GLRA3: variants seen among roughly 807,000 people sequenced by gnomAD.
GLRA3 encodes the protein glycine receptor subunit alpha-3.
GLRA3 carries 44 observed loss-of-function variants against 60.4 expected under a neutral mutation model. That is an observed-to-expected ratio of 0.73 (90% confidence interval 0.57 to 0.94). The LOEUF (loss-of-function observed/expected upper bound fraction) is 0.94, where lower values mean the gene tolerates loss of function less well. Among genes scored for constraint, GLRA3 ranks in the 40% least tolerant of loss-of-function variants. The probability of loss-of-function intolerance (pLI) is 0.00; values close to 1 mark genes in which losing one functional copy is unlikely to be tolerated. For missense variants in GLRA3, 508 were observed against 564.6 expected (o/e 0.90, Z 1.02); for synonymous variants, 223 against 192.9 (o/e 1.16, Z -1.29).
At chr4:174,744,149 G>T (rs1737135812) in intron 3 of GLRA3, among the ~76,000 whole-genome samples, 1 of 152,250 alleles carries the variant, frequency 6.6e-6, no homozygotes, top group Admixed American at 6.5e-5. Flanking sequence ...CTGGGGCTAT[G>T]GTTGGCAACC....
chr4:174,699,677 A>T (rs1451861911), intron 5 of GLRA3, among the ~76,000 whole-genome samples: 1 of 152,120 alleles, frequency 6.6e-6, no homozygotes, highest in African/African-American at 2.4e-5. Flanking sequence ...AAGGCATATT[A>T]GTTGAAGTTC....
At chr4:174,795,519 G>GT (rs1739528319) in intron 1 of GLRA3, among the ~76,000 whole-genome samples, 1 of 152,104 alleles carries the variant, frequency 6.6e-6, no homozygotes, top group South Asian at 2.1e-4. Context: ...GGAGGAATAT[G>GT]TAAGAGGTGA....
intron 6 of GLRA3, among the ~76,000 whole-genome samples, chr4:174,681,526 C>T (rs1480179178): frequency 6.6e-6 from 1 of 152,106 alleles, no homozygotes; most frequent in Non-Finnish European, 1.5e-5. Context: ...TCCCATGTGA[C>T]TCTGGAGGCA....
chr4:174,772,622 T>C (rs1398080545), intron 2 of GLRA3, among the ~76,000 whole-genome samples: 1 of 152,120 alleles, frequency 6.6e-6, no homozygotes, highest in Non-Finnish European at 1.5e-5. Context: ...TTTTAAAATA[T>C]TCAAATAAAA....
chr4:174,763,175 T>C (rs1403416595), intron 3 of GLRA3, among the ~76,000 whole-genome samples: 1 of 152,158 alleles, frequency 6.6e-6, no homozygotes, highest in Non-Finnish European at 1.5e-5. Flanking sequence ...GAAAAAGCAC[T>C]CAGGTCACAA....
chr4:174,725,038 C>G (rs1162161481), intron 4 of GLRA3, among the ~76,000 whole-genome samples: 1 of 152,230 alleles, frequency 6.6e-6, no homozygotes, highest in Non-Finnish European at 1.5e-5. Context: ...TCTGCAGGCT[C>G]ACGCCATTTG....
intron 2 of GLRA3, among the ~76,000 whole-genome samples, chr4:174,785,985 TCTCAAA>T (rs1480135348): frequency 1.4e-5 from 2 of 142,210 alleles, no homozygotes; most frequent in Non-Finnish European, 3.0e-5. Context: ...TCAGAGCTGG[TCTCAAA>T]CTCCTAGCCT....
At chr4:174,767,099 C>T (rs556940231) in intron 2 of GLRA3, 69 bp from the exon 3 acceptor site, 3 of 783,028 alleles carry the variant, frequency 3.8e-6, no homozygotes, top group African/African-American at 3.5e-5. Flanking sequence ...TAATTCCTTG[C>T]ATTCCATTAT....
At chr4:174,751,449 T>A (rs1737481091) in intron 3 of GLRA3, among the ~76,000 whole-genome samples, 2 of 152,174 alleles carry the variant, frequency 1.3e-5, no homozygotes, top group Non-Finnish European at 2.9e-5. Flanking sequence ...AATGTATTTA[T>A]AATTAGTACA....
intron 3 of GLRA3, among the ~76,000 whole-genome samples, chr4:174,752,354 A>G (rs1737520209): frequency 1.3e-5 from 2 of 152,112 alleles, no homozygotes; most frequent in Admixed American, 1.3e-4. Flanking sequence ...TCAGGGAAAG[A>G]GGTTAAATTT....
chr4:174,749,466 A>G (rs914576492), intron 3 of GLRA3, among the ~76,000 whole-genome samples: 5 of 152,126 alleles, frequency 3.3e-5, no homozygotes, highest in African/African-American at 1.2e-4. Flanking sequence ...CCATTAAATG[A>G]TAGGATACTA....
intron 1 of GLRA3, among the ~76,000 whole-genome samples, chr4:174,823,328 T>A (rs1740824181): frequency 6.6e-6 from 1 of 152,036 alleles, no homozygotes; most frequent in Non-Finnish European, 1.5e-5. Flanking sequence ...ATAGAGACCA[T>A]CCTGGCTAAC....
chr4:174,782,683 AAGAG>A (rs1325125379), intron 2 of GLRA3, among the ~76,000 whole-genome samples: 2 of 152,168 alleles, frequency 1.3e-5, no homozygotes, highest in Admixed American at 6.6e-5. Flanking sequence ...AACAGACAAA[AAGAG>A]AGCCAAATCA....
At chr4:174,828,700 G>A in intron 1 of GLRA3, 41 bp downstream of exon 1, 2 of 1,282,614 alleles carry the variant, frequency 1.6e-6, no homozygotes, top group Non-Finnish European at 2.3e-6. Flanking sequence ...TAATGCACAG[G>A]CTTAATGAGT....
chr4:174,694,216 C>T (rs548632819), intron 5 of GLRA3, among the ~76,000 whole-genome samples: 9 of 152,260 alleles, frequency 5.9e-5, no homozygotes, highest in Non-Finnish European at 1.5e-5. Flanking sequence ...AGAATGTAAA[C>T]TCGACATTGG....
At chr4:174,757,331 C>CA (rs994325374) in intron 3 of GLRA3, among the ~76,000 whole-genome samples, 4 of 151,966 alleles carry the variant, frequency 2.6e-5, no homozygotes, top group African/African-American at 9.7e-5. Flanking sequence ...AGCCTAGACG[C>CA]AATGAAACCT....
At chr4:174,708,357 GAAATTTCTATCCCA>G (rs1735587853) in intron 5 of GLRA3, among the ~76,000 whole-genome samples, 1 of 151,672 alleles carries the variant, frequency 6.6e-6, no homozygotes, top group Non-Finnish European at 1.5e-5. Context: ...TCTCTCTTTA[GAAATTTCTATCCCA>G]AAACCCCATT....
chr4:174,679,899 T>C (rs1264210039), intron 6 of GLRA3, among the ~76,000 whole-genome samples: 1 of 152,170 alleles, frequency 6.6e-6, no homozygotes, highest in African/African-American at 2.4e-5. Context: ...GGTTTAAAAA[T>C]ACACTTAGAA....
intron 3 of GLRA3, among the ~76,000 whole-genome samples, chr4:174,758,359 A>G (rs1303801773): frequency 6.6e-6 from 1 of 152,220 alleles, no homozygotes; most frequent in Admixed American, 6.5e-5. Context: ...AAGTAATGAG[A>G]GTGGTACTTT....
Sources: allele counts gnomAD v4.1 joint callset (sites outside exome capture counted in the v4.1 genomes callset), GRCh38; gene constraint gnomAD v4.1.1; transcripts MANE v1.5; gene names NCBI Gene and HGNC (gene_info 2026-07-23, HGNC 2026-07-21).